CTNNA2: variants seen among roughly 807,000 people sequenced by gnomAD.
The protein encoded by CTNNA2 is catenin alpha-2.
Under a neutral mutation model 101.0 loss-of-function variants are expected in CTNNA2, and 42 were observed. The ratio of observed to expected loss-of-function variants is 0.42; its 90% CI spans 0.32 to 0.54. The LOEUF is 0.54. CTNNA2 is among the 20% of genes least tolerant of loss of function. The pLI, the probability that CTNNA2 is intolerant of heterozygous loss-of-function variation, is 0.14. For missense variants in CTNNA2, 871 were observed against 1,223.1 expected, an observed-to-expected ratio of 0.71 and a Z score of 4.29; for synonymous variants, 450 against 456.4, an observed-to-expected ratio of 0.99 and a Z score of 0.18.
chr2:79,428,914 CCA>C (rs1231060759), intron 4 of CTNNA2, among the ~76,000 whole-genome samples: 1 of 152,020 alleles, frequency 6.6e-6, no homozygotes, highest in Non-Finnish European at 1.5e-5. Context: ...CTCAATGATC[CCA>C]GTGAGAAGAG....
intron 7 of CTNNA2, among the ~76,000 whole-genome samples, chr2:80,057,947 A>T (rs1278859840): frequency 6.6e-6 from 1 of 152,214 alleles, no homozygotes; most frequent in Non-Finnish European, 1.5e-5. Context: ...CTTTCATACT[A>T]AAAATGAGAA....
intron 3 of CTNNA2, among the ~76,000 whole-genome samples, chr2:79,364,070 A>C (rs1033944450): frequency 2.0e-5 from 3 of 152,194 alleles, no homozygotes; most frequent in Non-Finnish European, 2.9e-5. Flanking sequence ...ATAGCAAATC[A>C]TGTGTATTAA....
intron 2 of CTNNA2, among the ~76,000 whole-genome samples, chr2:79,247,981 C>G (rs1674720067): frequency 6.6e-6 from 1 of 152,142 alleles, no homozygotes. Context: ...GCTTCCAGAA[C>G]TATGAAAAAA....
chr2:79,952,256 C>A (rs916751259), intron 7 of CTNNA2, among the ~76,000 whole-genome samples: 1 of 152,152 alleles, frequency 6.6e-6, no homozygotes, highest in African/African-American at 2.4e-5. Flanking sequence ...TTACCTACTA[C>A]CCACTAGCCT....
At position 79,923,308 on chromosome 2, in the gene CTNNA2, T is replaced by C. The variant is rs919646362; in HGVS notation, c.1056+13511T>C. ...GTATATCTACTTTTTCATAATTCCA[T>C]AGGGGTTCAGTGCAGTGGCTCTGCC... On this transcript the variant is annotated intron_variant, in intron 7 of 18. Transcript: ENST00000402739. 2.0e-5 allele frequency among the ~76,000 whole-genome samples: 3 copies of C among 152,132 alleles called. No homozygotes were observed. The South Asian group carries it at 6.2e-4, about 32-fold the overall frequency.
chr2:80,547,761 C>G (rs983129184), intron 11 of CTNNA2, among the ~76,000 whole-genome samples: 2 of 140,274 alleles, frequency 1.4e-5, no homozygotes, highest in East Asian at 4.3e-4. Flanking sequence ...GCGATCTTGA[C>G]TCATAGCAAC....
At chr2:79,910,398 C>A (rs1685706131) in intron 7 of CTNNA2, among the ~76,000 whole-genome samples, 1 of 152,112 alleles carries the variant, frequency 6.6e-6, no homozygotes, top group Non-Finnish European at 1.5e-5. Flanking sequence ...CACATAATAG[C>A]CATCCTCTCC....
At chr2:80,300,500 T>G (rs1676185303) in intron 7 of CTNNA2, among the ~76,000 whole-genome samples, 1 of 152,160 alleles carries the variant, frequency 6.6e-6, no homozygotes, top group Non-Finnish European at 1.5e-5. Context: ...GATACCATTC[T>G]GCATTTCAAA....
At chr2:80,280,174 AC>A (rs748200645) in intron 7 of CTNNA2, among the ~76,000 whole-genome samples, 5 of 150,372 alleles carry the variant, frequency 3.3e-5, no homozygotes, top group Non-Finnish European at 7.4e-5. Context: ...AAAGTACAAA[AC>A]AAAAAAATGA....
At chr2:79,764,092 G>C (rs915290082) in intron 3 of CTNNA2, among the ~76,000 whole-genome samples, 1 of 152,144 alleles carries the variant, frequency 6.6e-6, no homozygotes, top group Admixed American at 6.5e-5. Context: ...CCACATAGGA[G>C]GGAAAACAGA....
At chr2:79,991,769 T>C (rs1692197959) in intron 7 of CTNNA2, among the ~76,000 whole-genome samples, 2 of 152,120 alleles carry the variant, frequency 1.3e-5, no homozygotes, top group Admixed American at 1.3e-4. Context: ...CCAAAATGGC[T>C]CCAGCCTCCC....
chr2:80,339,967 C>A (rs1228832910), intron 7 of CTNNA2, among the ~76,000 whole-genome samples: 1 of 152,180 alleles, frequency 6.6e-6, no homozygotes, highest in African/African-American at 2.4e-5. Flanking sequence ...GGAACACCAC[C>A]AAGTTATTAA....
intron 7 of CTNNA2, among the ~76,000 whole-genome samples, chr2:80,354,904 T>C (rs890947550): frequency 2.0e-5 from 3 of 152,240 alleles, no homozygotes; most frequent in African/African-American, 7.2e-5. Flanking sequence ...TTGCTCTAGA[T>C]GGGAGGGTGG....
Position 80,526,453 on chromosome 2 carries a change from C to T in CTNNA2, c.1291-18529C>T, listed in dbSNP as rs541969942. 1.2e-4 allele frequency among the ~76,000 whole-genome samples: 18 copies of T among 152,236 alleles called. No individual in the cohort carries two copies. The East Asian group carries it at 3.5e-3, about 29-fold the overall frequency. On this transcript the variant is annotated intron_variant, in intron 9 of 18. Coordinates refer to ENST00000402739, the MANE Select transcript of CTNNA2 (RefSeq NM_001282597.3). ...GACCTTGTGATCCGCCCACCTCAGC[C>T]TCCCAAAGTCCTGAGATTACAGATG...
intron 3 of CTNNA2, among the ~76,000 whole-genome samples, chr2:79,827,964 A>C (rs1471843638): frequency 6.6e-6 from 1 of 152,188 alleles, no homozygotes; most frequent in African/African-American, 2.4e-5. Context: ...TCCACCTGAA[A>C]CATCATGTTC....
chr2:79,328,934 A>T (rs1676808607), intron 3 of CTNNA2, among the ~76,000 whole-genome samples: 1 of 152,062 alleles, frequency 6.6e-6, no homozygotes, highest in Non-Finnish European at 1.5e-5. Context: ...TTGGCTTGTG[A>T]CAACATAATT....
intron 7 of CTNNA2, among the ~76,000 whole-genome samples, chr2:80,279,870 T>A (rs765981895): frequency 1.1e-4 from 17 of 152,018 alleles, no homozygotes; most frequent in African/African-American, 3.9e-4. Flanking sequence ...TTTAAAAAAA[T>A]TTATATCTCT....
chr2:79,461,122 G>C (rs1035904740), intron 4 of CTNNA2, among the ~76,000 whole-genome samples: 1 of 152,190 alleles, frequency 6.6e-6, no homozygotes, highest in Non-Finnish European at 1.5e-5. Flanking sequence ...GATTATAGGC[G>C]TGAGCCACGG....
intron 2 of CTNNA2, among the ~76,000 whole-genome samples, chr2:79,213,183 A>G (rs1169595818): frequency 2.0e-5 from 3 of 152,128 alleles, no homozygotes; most frequent in Non-Finnish European, 4.4e-5. Flanking sequence ...ATAAGTTGGA[A>G]TGCTAGCTGC....
Sources: gnomAD v4.1 joint callset for allele counts (sites outside exome capture counted in the v4.1 genomes callset) on GRCh38, gnomAD v4.1.1 for gene constraint, MANE v1.5 for transcripts, NCBI Gene and HGNC (gene_info 2026-07-23, HGNC 2026-07-21) for gene names.